Variants in PFKFB3 observed in about 807,000 individuals in gnomAD.
The protein encoded by PFKFB3 is 6-phosphofructo-2-kinase/fructose-2,6-bisphosphatase 3.
Under a neutral mutation model 68.0 loss-of-function variants are expected in PFKFB3, and 33 were observed. The ratio of observed to expected loss-of-function variants is 0.49; its 90% CI spans 0.37 to 0.65. The LOEUF (loss-of-function observed/expected upper bound fraction) is 0.65. PFKFB3 is among the 30% of genes least tolerant of loss of function. The pLI is 0.00. For synonymous variants in PFKFB3, 315 were observed against 288.2 expected, an observed-to-expected ratio of 1.09 and a Z score of -0.94; for missense variants, 586 against 712.2, an observed-to-expected ratio of 0.82 and a Z score of 2.02.
At position 6,235,447 on chromosome 10, in the gene PFKFB3, T is replaced by A. The variant is rs1419377896; in HGVS notation, c.*2505T>A. The A allele has an allele frequency of 6.6e-6, 1 of 152,352 alleles. No homozygotes were observed. Among genetic ancestry groups the A allele is most frequent in the African/African-American group, 2.4e-5 (1 of 41,454 alleles). 9.4% of individuals were successfully genotyped at this position (152,352 alleles called of 1,614,324 possible). ...GAATTAATGACCTGGGATATAAAGC[T>A]ATGCTAGCTTTCAAACAGGAGATGC... On this transcript the variant is annotated 3_prime_UTR_variant, in exon 15 of 15. Transcript: ENST00000379775.
chr10:6,178,695 T>A (rs1481440073), intron 1 of PFKFB3, among the ~76,000 whole-genome samples: 1 of 152,178 alleles, frequency 6.6e-6, no homozygotes, highest in East Asian at 1.9e-4. Flanking sequence ...CATCTCGGCC[T>A]CGAGTTGATC....
At chr10:6,268,485 G>A in the PFKFB3 span, among the ~76,000 whole-genome samples, 2 of 151,832 alleles carry the variant, frequency 1.3e-5, no homozygotes, top group East Asian at 1.9e-4. Context: ...ATTAGCCAGG[G>A]ATGTTTGCGT....
intron 1 of PFKFB3, among the ~76,000 whole-genome samples, chr10:6,213,207 G>A (rs1844345093): frequency 6.6e-6 from 1 of 152,204 alleles, no homozygotes; most frequent in Non-Finnish European, 1.5e-5. Flanking sequence ...GTGGTACAAT[G>A]CCAGGGGCTT....
chr10:6,166,818 C>CTTTTTTTTTTTTTT (rs1842153491), intron 1 of PFKFB3, among the ~76,000 whole-genome samples: 1 of 129,722 alleles, frequency 7.7e-6, no homozygotes, highest in Non-Finnish European at 1.7e-5. Context: ...AGCCCTTCTT[C>CTTTTTTTTTTTTTT]TTCTTTTTTT....
chr10:6,304,685 C>CT, the PFKFB3 span, among the ~76,000 whole-genome samples: 7,665 of 133,472 alleles, frequency 0.057, 676 homozygotes, highest in East Asian at 0.39. Context: ...ATATTAGGAA[C>CT]TTTTTTTTTT....
the PFKFB3 span, among the ~76,000 whole-genome samples, chr10:6,313,287 G>A: frequency 8.2e-3 from 1,255 of 152,306 alleles, 19 homozygotes; most frequent in African/African-American, 0.029. The surrounding 1 kb of genome is among the most constrained non-coding windows in gnomAD (Gnocchi z 4.2). Flanking sequence ...CACAAAGTTT[G>A]ATAAAAGGAA....
intron 14 of PFKFB3, among the ~76,000 whole-genome samples, chr10:6,251,249 G>C (rs759360271): frequency 5.9e-5 from 9 of 152,098 alleles, no homozygotes; most frequent in Non-Finnish European, 1.2e-4. Flanking sequence ...TCTTCAAAAA[G>C]TCCCTGCATC....
At chr10:6,161,235 C>T (rs939809291) in intron 1 of PFKFB3, among the ~76,000 whole-genome samples, 15 of 152,244 alleles carry the variant, frequency 9.9e-5, no homozygotes, top group African/African-American at 3.4e-4. Flanking sequence ...GGCGCCTGAC[C>T]TCATTTGGCC....
downstream of PFKFB3, among the ~76,000 whole-genome samples, chr10:6,240,406 A>T (rs528355472): frequency 1.3e-5 from 2 of 152,158 alleles, no homozygotes; most frequent in South Asian, 4.1e-4. Context: ...GTGGGATTAC[A>T]GGTGCCCGCC....
At chr10:6,174,973 G>C (rs1842420744) in intron 1 of PFKFB3, among the ~76,000 whole-genome samples, 2 of 151,934 alleles carry the variant, frequency 1.3e-5, no homozygotes, top group African/African-American at 4.8e-5. Context: ...CTGCCACCAG[G>C]CCTGGCTAAT....
At chr10:6,153,958 T>C (rs1181384369) in intron 1 of PFKFB3, among the ~76,000 whole-genome samples, 1 of 149,254 alleles carries the variant, frequency 6.7e-6, no homozygotes, top group Non-Finnish European at 1.5e-5. Flanking sequence ...CTGAGGGGAG[T>C]GAGACAGCCT....
chr10:6,144,925 C>T, upstream of PFKFB3: 1 of 1,165,286 alleles, frequency 8.6e-7, no homozygotes, highest in Non-Finnish European at 1.1e-6. Flanking sequence ...CGCCCCGAGT[C>T]GCGGGGCTGC....
chr10:6,203,801 A>T (rs1843500880), intron 1 of PFKFB3, among the ~76,000 whole-genome samples: 1 of 152,124 alleles, frequency 6.6e-6, no homozygotes, highest in East Asian at 1.9e-4. Context: ...CGCTTCACTT[A>T]ATAACCTATT....
intron 1 of PFKFB3, among the ~76,000 whole-genome samples, chr10:6,153,186 A>C (rs1195649414): frequency 7.2e-6 from 1 of 139,370 alleles, no homozygotes; most frequent in Non-Finnish European, 1.6e-5. Context: ...AAAAGAAAGA[A>C]AGAAAGAAAG....
intron 1 of PFKFB3, among the ~76,000 whole-genome samples, chr10:6,188,325 C>G (rs928716416): frequency 1.3e-5 from 2 of 151,560 alleles, no homozygotes; most frequent in African/African-American, 4.9e-5. Flanking sequence ...TTACCTTTAG[C>G]AAAATCAAGA....
intron 1 of PFKFB3, among the ~76,000 whole-genome samples, chr10:6,179,756 A>G (rs772391473): frequency 5.9e-5 from 9 of 152,176 alleles, no homozygotes; most frequent in Admixed American, 2.0e-4. Flanking sequence ...CTGAGCATGC[A>G]GACGCCAGGA....
chr10:6,311,097 G>A, the PFKFB3 span, among the ~76,000 whole-genome samples: 1 of 152,156 alleles, frequency 6.6e-6, no homozygotes, highest in Admixed American at 6.5e-5. Flanking sequence ...TTCACTAATG[G>A]GAATGAACAG....
chr10:6,318,380 C>A, the PFKFB3 span, among the ~76,000 whole-genome samples: 1 of 152,202 alleles, frequency 6.6e-6, no homozygotes, highest in African/African-American at 2.4e-5. Context: ...GACGGCCTTG[C>A]ATTCTAAGGA....
the PFKFB3 span, among the ~76,000 whole-genome samples, chr10:6,301,457 G>A: frequency 1.3e-5 from 2 of 152,128 alleles, 1 homozygote; most frequent in Non-Finnish European, 2.9e-5. Context: ...ATCAAAATTT[G>A]TTTTGGAAAT....
Sources: gnomAD v4.1 joint callset for allele counts (sites outside exome capture counted in the v4.1 genomes callset) on GRCh38, gnomAD v4.1.1 for gene constraint, Gnocchi (gnomAD v3.1) non-coding constraint, MANE v1.5 for transcripts, NCBI Gene and HGNC (gene_info 2026-07-23, HGNC 2026-07-21) for gene names.